The following COL4A1 variants were observed in gnomAD, a reference collection of about 807,000 sequenced individuals.
The protein encoded by COL4A1 is collagen alpha-1(IV) chain.
COL4A1 carries 40 observed loss-of-function variants against 216.6 expected under a neutral mutation model. The ratio of observed to expected loss-of-function variants is 0.18; its 90% CI spans 0.14 to 0.24. The LOEUF (loss-of-function observed/expected upper bound fraction) is 0.24, where lower values mean the gene tolerates loss of function less well. COL4A1 is among the 10% of genes least tolerant of loss of function. The probability of loss-of-function intolerance (pLI) is 1.00; values close to 1 mark genes in which losing one functional copy is unlikely to be tolerated. For missense variants in COL4A1, 1,628 were observed against 2,196.8 expected (o/e 0.74, Z 5.18); for synonymous variants, 839 against 810.7 (o/e 1.03, Z -0.59).
rs935156170 is a variant in COL4A1 at position 110,148,994 on chromosome 13, A to G, written c.*1369T>C. On this transcript the variant is annotated 3_prime_UTR_variant, in exon 52 of 52. Coordinates refer to ENST00000375820, the MANE Select transcript of COL4A1 (RefSeq NM_001845.6). ...ATGCAAAGCTTACAAATTTATTAGC[A>G]GCTTGTGCAGTAAGTTTCTTTTAAT... 1.3e-5 allele frequency: 2 copies of G among 152,902 alleles called. No homozygotes were observed. The highest frequency in any genetic ancestry group is 2.9e-5 in the Non-Finnish European group (2 of 68,218). 9.5% of individuals were successfully genotyped at this position (152,902 alleles called of 1,614,324 possible). A position where few individuals can be genotyped will look rare whatever the true frequency, so the allele number is the denominator to read the frequency against.
chr13:110,215,919 T>TC (rs1261743972), intron 2 of COL4A1, among the ~76,000 whole-genome samples: 19 of 152,378 alleles, frequency 1.2e-4, no homozygotes, highest in African/African-American at 4.6e-4. Context: ...AAGGACGTTA[T>TC]GAACCTGGGA....
Position 110,227,427 on chromosome 13 carries a change from A to ACACACACACACACAC in COL4A1, c.145-13413_145-13412insGTGTGTGTGTGTGTG, listed in dbSNP as rs1555308840. 3.1e-5 allele frequency among the ~76,000 whole-genome samples: 4 copies of ACACACACACACACAC among 130,516 alleles called. No homozygotes were observed. The South Asian group carries it at 7.6e-4, about 25-fold the overall frequency. The allele number at this position is 130,516 out of a possible 152,430, so 85.6% of individuals were successfully genotyped here. A position where few individuals can be genotyped will look rare whatever the true frequency, so the allele number is the denominator to read the frequency against. On this transcript the variant is annotated intron_variant, in intron 2 of 51. Transcript: ENST00000375820. ...ACACACACACACACACACACACACA[A>ACACACACACACACAC]ACACACACAAACACAGAATCAGAAA...
intron 1 of COL4A1, among the ~76,000 whole-genome samples, chr13:110,286,997 T>A (rs1456409099): frequency 1.3e-5 from 2 of 151,906 alleles, no homozygotes; most frequent in Admixed American, 6.6e-5. Context: ...AATTCAGGAG[T>A]GGCATTTGGA....
intron 39 of COL4A1, 63 bp downstream of exon 39, chr13:110,174,383 C>T (rs1877780226): frequency 6.4e-7 from 1 of 1,571,112 alleles, no homozygotes; most frequent in African/African-American, 1.3e-5. Flanking sequence ...CTCCTTGGGG[C>T]CTCCCATCCC....
Position 110,178,088 on chromosome 13 carries a change from C to T in COL4A1, c.2602G>A (p.Ala868Thr), listed in dbSNP as rs1188853759. 3 of 1,614,140 alleles carry T rather than the reference C, an allele frequency of 1.9e-6. No individual in the cohort carries two copies. The highest frequency in any genetic ancestry group is 3.3e-5 in the Admixed American group (2 of 60,022). ...CCTGGAAACCCAGGAATCCCAGGAG[C>T]CCCCTGCTGTCCAGGAAGGCCAGGG... Reference protein sequence around the residue: ...GLPGLPGQQGAPGIPGFPGSK... With the variant: ...GLPGLPGQQGTPGIPGFPGSK... Residue 868 changes from alanine to threonine, a missense_variant, in exon 32 of 52, where the codon GCT becomes ACT. Coordinates refer to ENST00000375820, the MANE Select transcript of COL4A1 (RefSeq NM_001845.6).
chr13:110,181,175 A>C, intron 29 of COL4A1, 117 bp downstream of exon 29: 1 of 963,876 alleles, frequency 1.0e-6, no homozygotes, highest in South Asian at 1.4e-5. Context: ...TTATTTCATC[A>C]AAAACAAAAA....
intron 1 of COL4A1, among the ~76,000 whole-genome samples, chr13:110,296,458 G>A (rs1233930257): frequency 6.6e-6 from 1 of 152,138 alleles, no homozygotes; most frequent in Non-Finnish European, 1.5e-5. Flanking sequence ...TACGAATATC[G>A]ATAGTATAAT....
chr13:110,249,891 T>C (rs1034529981), intron 1 of COL4A1, among the ~76,000 whole-genome samples: 6 of 152,186 alleles, frequency 3.9e-5, no homozygotes, highest in African/African-American at 1.4e-4. Context: ...ATACTTAGTA[T>C]TGTGGTTTTA....
At chr13:110,171,633 A>C (rs1364038207) in intron 41 of COL4A1, among the ~76,000 whole-genome samples, 1 of 152,192 alleles carries the variant, frequency 6.6e-6, no homozygotes, top group Non-Finnish European at 1.5e-5. Context: ...TAGGGTCAAG[A>C]CCTAAAGTGG....
chr13:110,196,379 T>C (rs765366030), intron 21 of COL4A1, among the ~76,000 whole-genome samples: 4 of 152,160 alleles, frequency 2.6e-5, no homozygotes, highest in Admixed American at 2.6e-4. Context: ...GACTCCATGT[T>C]TATGCTTCAA....
chr13:110,254,535 C>T (rs777636153), intron 1 of COL4A1, among the ~76,000 whole-genome samples: 4 of 152,116 alleles, frequency 2.6e-5, no homozygotes, highest in Non-Finnish European at 5.9e-5. Flanking sequence ...TAAAAGGAAA[C>T]ATGAAAAGCC....
chr13:110,150,291 T>C lies in COL4A1; in HGVS notation c.*72A>G. ...CAGTGAGGTACACAGGATATATTTC[T>C]AGGGTTCGTTGCTGTTAACAAAAAG... On this transcript the variant is annotated 3_prime_UTR_variant, in exon 52 of 52. Coordinates refer to ENST00000375820, the MANE Select transcript of COL4A1 (RefSeq NM_001845.6). 2 of 1,392,592 alleles carry C rather than the reference T, an allele frequency of 1.4e-6. No homozygotes were observed. The highest frequency in any genetic ancestry group is 1.2e-5 in the South Asian group (1 of 81,804). The allele number at this position is 1,392,592 out of a possible 1,614,324, so 86.3% of individuals were successfully genotyped here.
At chr13:110,199,521 C>G (rs539592094) in intron 20 of COL4A1, among the ~76,000 whole-genome samples, 9 of 152,354 alleles carry the variant, frequency 5.9e-5, no homozygotes, top group South Asian at 4.1e-4. Flanking sequence ...ACTGTGTGCC[C>G]TTCCTGAGTG....
intron 43 of COL4A1, 63 bp from the exon 44 acceptor site, chr13:110,167,293 C>A (rs1594541214): frequency 3.9e-6 from 5 of 1,273,766 alleles, no homozygotes; most frequent in Non-Finnish European, 5.8e-6. Flanking sequence ...TCTCCAGTAA[C>A]CTGCTAGTTG....
chr13:110,241,059 T>G (rs1881544182), intron 2 of COL4A1, among the ~76,000 whole-genome samples: 1 of 152,124 alleles, frequency 6.6e-6, no homozygotes, highest in Non-Finnish European at 1.5e-5. Context: ...TAGTAGAGAC[T>G]GAGTTTCACC....
chr13:110,177,870 C>T lies in COL4A1; in HGVS notation c.2688G>A (p.Val896=), dbSNP rs1877952817. ...TPGQPGSPGP[V]GAPGLPGEKG... ...TTTCACCCGGTAATCCAGGAGCACC[C>T]ACTGGTCCTGGTGAGCCCGGCTGCC... The change falls in exon 33 of 52, where the codon GTG becomes GTA. Residue 896 remains valine, a synonymous_variant. Transcript: ENST00000375820. 2 of 1,614,046 alleles carry T rather than the reference C, an allele frequency of 1.2e-6. No homozygotes were observed. The highest frequency in any genetic ancestry group is 1.7e-5 in the Admixed American group (1 of 60,008).
chr13:110,247,452 A>G (rs978006488), intron 1 of COL4A1, among the ~76,000 whole-genome samples: 6 of 152,196 alleles, frequency 3.9e-5, no homozygotes, highest in African/African-American at 7.2e-5. Context: ...TGTTAAAATA[A>G]TTAATACTGT....
intron 1 of COL4A1, among the ~76,000 whole-genome samples, chr13:110,291,652 ACATCGCACCTT>A (rs926183105): frequency 6.6e-6 from 1 of 152,212 alleles, no homozygotes; most frequent in African/African-American, 2.4e-5. Flanking sequence ...GCCCCCAAGT[ACATCGCACCTT>A]TTCATAAAAG....
At chr13:110,178,364 A>G in intron 31 of COL4A1, 133 bp from the exon 32 acceptor site, 1 of 1,070,294 alleles carries the variant, frequency 9.3e-7, no homozygotes, top group Non-Finnish European at 1.4e-6. Context: ...TGAATGGATC[A>G]TCTGTTAGGT....
Sources: gnomAD v4.1 joint callset for allele counts (sites outside exome capture counted in the v4.1 genomes callset) on GRCh38, gnomAD v4.1.1 for gene constraint, MANE v1.5 for transcripts, NCBI Gene and HGNC (gene_info 2026-07-23, HGNC 2026-07-21) for gene names.